The following EPHB1 variants were observed in gnomAD, a reference collection of about 807,000 sequenced individuals.
EPHB1 encodes EPH receptor B1, also known as ephrin type-B receptor 1.
EPHB1 carries 30 observed loss-of-function variants against 94.4 expected under a neutral mutation model. The observed-to-expected ratio is 0.32, with a 90% CI of 0.24 to 0.43. EPHB1 has a LOEUF of 0.43. EPHB1 is among the 20% of genes least tolerant of loss of function. The probability of loss-of-function intolerance (pLI) is 1.00; values close to 1 mark genes in which losing one functional copy is unlikely to be tolerated. For synonymous variants in EPHB1, 522 were observed against 489.1 expected (o/e 1.07, Z -0.89); for missense variants, 1,055 against 1,308.3 (o/e 0.81, Z 2.99).
At chr3:134,850,656 T>C (rs1419928583) in intron 1 of EPHB1, among the ~76,000 whole-genome samples, 1 of 152,204 alleles carries the variant, frequency 6.6e-6, no homozygotes, top group African/African-American at 2.4e-5. Context: ...TTAGGAGTCT[T>C]GGTGCGGGCA....
At chr3:134,839,983 G>A (rs1192477695) in intron 1 of EPHB1, among the ~76,000 whole-genome samples, 1 of 152,230 alleles carries the variant, frequency 6.6e-6, no homozygotes, top group Non-Finnish European at 1.5e-5. Flanking sequence ...TGGGACAGGA[G>A]TAGGGAGCTA....
At chr3:134,917,316 C>T (rs1307503554) in intron 1 of EPHB1, among the ~76,000 whole-genome samples, 1 of 152,202 alleles carries the variant, frequency 6.6e-6, no homozygotes, top group African/African-American at 2.4e-5. Flanking sequence ...AGCTGATTCC[C>T]AGCCTTACAC....
At chr3:135,035,611 C>A (rs1936619294) in intron 3 of EPHB1, among the ~76,000 whole-genome samples, 1 of 152,136 alleles carries the variant, frequency 6.6e-6, no homozygotes, top group African/African-American at 2.4e-5. Flanking sequence ...CACCAGGACC[C>A]TCCTGCTCAT....
At chr3:135,174,999 C>T (rs1030761427) in intron 9 of EPHB1, among the ~76,000 whole-genome samples, 15 of 152,162 alleles carry the variant, frequency 9.9e-5, no homozygotes, top group Non-Finnish European at 8.8e-5. Flanking sequence ...TGTGGGTATT[C>T]GTGATCTCCA....
intron 12 of EPHB1, among the ~76,000 whole-genome samples, chr3:135,234,221 C>G (rs1943597649): frequency 6.6e-6 from 1 of 152,202 alleles, no homozygotes; most frequent in South Asian, 2.1e-4. Flanking sequence ...CAAATAATCT[C>G]TCTCAAGTTC....
At chr3:134,890,562 A>G (rs73217033) in intron 1 of EPHB1, among the ~76,000 whole-genome samples, 9,574 of 152,244 alleles carry the variant, frequency 0.063, 339 homozygotes, top group South Asian at 0.15. Flanking sequence ...TTGCTTGTTC[A>G]TGGGATATGT....
At chr3:134,817,326 C>T (rs969593627) in intron 1 of EPHB1, among the ~76,000 whole-genome samples, 2 of 152,194 alleles carry the variant, frequency 1.3e-5, no homozygotes, top group East Asian at 1.9e-4. Context: ...CAATTCTAGT[C>T]GTCACAGCTC....
chr3:134,965,594 A>G (rs1210635455), intron 3 of EPHB1, among the ~76,000 whole-genome samples: 1 of 152,206 alleles, frequency 6.6e-6, no homozygotes, highest in Non-Finnish European at 1.5e-5. Flanking sequence ...TTCCTCTAAT[A>G]AAAACAATTA....
At chr3:135,166,326 C>T (rs1941651569) in intron 8 of EPHB1, among the ~76,000 whole-genome samples, 6 of 152,104 alleles carry the variant, frequency 3.9e-5, no homozygotes, top group Admixed American at 3.9e-4. Flanking sequence ...GACTTTTAGC[C>T]CCCTCTTACA....
At chr3:135,012,504 C>T (rs190262145) in intron 3 of EPHB1, among the ~76,000 whole-genome samples, 20 of 152,326 alleles carry the variant, frequency 1.3e-4, no homozygotes, top group South Asian at 4.1e-4. Context: ...AAGAAAAATA[C>T]CCTTCATTTA....
At chr3:135,054,883 C>T (rs1429147066) in intron 3 of EPHB1, among the ~76,000 whole-genome samples, 4 of 152,186 alleles carry the variant, frequency 2.6e-5, no homozygotes, top group Admixed American at 2.6e-4. Context: ...TTTGTCCTTA[C>T]ACTTCCTTCC....
intron 2 of EPHB1, among the ~76,000 whole-genome samples, chr3:134,932,189 C>T (rs1344418808): frequency 2.6e-5 from 4 of 152,154 alleles, no homozygotes; most frequent in Non-Finnish European, 5.9e-5. Flanking sequence ...GGGAACAACA[C>T]GTATCTGAAT....
In EPHB1 at chr3:135,183,495, G is replaced by A. The variant is rs1001772958; in HGVS notation, c.1882+3513G>A. Among the ~76,000 whole-genome samples, 6 of 152,282 alleles carry A rather than the reference G, an allele frequency of 3.9e-5. No individual in the cohort carries two copies. In the South Asian group the frequency reaches 1.2e-3, roughly 32 times the overall value. On this transcript the variant is annotated intron_variant, in intron 10 of 15. Coordinates refer to ENST00000398015, the MANE Select transcript of EPHB1 (RefSeq NM_004441.5). ...AAACATTGTTTCTGTGCATGTGACT[G>A]GGGGTGATGCTGGAAAAATATACTC...
chr3:135,253,994 T>C lies in EPHB1; in HGVS notation c.2846+4503T>C, dbSNP rs1323774504. ...GAAGCAATTGTGAATGGGAGTTCAC[T>C]CATGATTTGGCTCTCTGTTTGTCTG... is the stretch of plus-strand genomic sequence containing the variant. On this transcript the variant is annotated intron_variant, in intron 15 of 15. Transcript: ENST00000398015. Among the ~76,000 whole-genome samples, 146 of 128,792 alleles carry C rather than the reference T, an allele frequency of 1.1e-3. 2 individuals are homozygous for C. The highest frequency in any genetic ancestry group is 1.0e-3 in the Non-Finnish European group (61 of 60,396). The allele number at this position is 128,792 out of a possible 152,430, so 84.5% of individuals were successfully genotyped here. A position where few individuals can be genotyped will look rare whatever the true frequency, so the allele number is the denominator to read the frequency against.
intron 3 of EPHB1, among the ~76,000 whole-genome samples, chr3:135,057,155 G>C (rs1374973744): frequency 6.6e-6 from 1 of 152,190 alleles, no homozygotes; most frequent in African/African-American, 2.4e-5. Context: ...GCAAGCCAAG[G>C]CTTCATGGTT....
At chr3:135,155,863 G>A (rs1112766) in intron 6 of EPHB1, among the ~76,000 whole-genome samples, 27,322 of 150,866 alleles carry the variant, frequency 0.18, 3,144 homozygotes, top group Non-Finnish European at 0.25. Context: ...GTTGAGGAGC[G>A]GAGGAGGGAC....
At chr3:134,833,432 T>C (rs1274159670) in intron 1 of EPHB1, among the ~76,000 whole-genome samples, 2 of 152,192 alleles carry the variant, frequency 1.3e-5, no homozygotes, top group African/African-American at 2.4e-5. Context: ...ATGGAAACAA[T>C]GTACTAAAGG....
chr3:134,968,113 TCCTGG>T (rs1396255201), intron 3 of EPHB1, among the ~76,000 whole-genome samples: 2 of 152,222 alleles, frequency 1.3e-5, no homozygotes, highest in African/African-American at 4.8e-5. Flanking sequence ...AGTTGTTGAA[TCCTGG>T]CTCTGTGTTT....
intron 1 of EPHB1, among the ~76,000 whole-genome samples, chr3:134,885,715 T>G (rs1405830700): frequency 6.6e-6 from 1 of 152,218 alleles, no homozygotes; most frequent in Non-Finnish European, 1.5e-5. Context: ...CCCAGGGGGC[T>G]TAGTTACTGT....
Sources: allele counts gnomAD v4.1 joint callset (sites outside exome capture counted in the v4.1 genomes callset), GRCh38; gene constraint gnomAD v4.1.1; transcripts MANE v1.5; gene names NCBI Gene and HGNC (gene_info 2026-07-23, HGNC 2026-07-21).